APPL2: variants seen among roughly 807,000 people sequenced by gnomAD.
APPL2 encodes the protein DCC-interacting protein 13-beta.
Under a neutral mutation model 92.7 loss-of-function variants are expected in APPL2, and 84 were observed. The observed-to-expected ratio is 0.91, with a 90% confidence interval of 0.76 to 1.09. The LOEUF is 1.09. Ranked by LOEUF, APPL2 falls within the 50% of genes least tolerant of loss-of-function variation. The pLI is 0.00. For missense variants in APPL2, 736 were observed against 824.5 expected (o/e 0.89, Z 1.31); for synonymous variants, 291 against 291.0 (o/e 1.00, Z 0.00).
At chr12:105,220,231 C>G (rs1278145956) in intron 2 of APPL2, among the ~76,000 whole-genome samples, 2 of 152,174 alleles carry the variant, frequency 1.3e-5, no homozygotes, top group African/African-American at 4.8e-5. Flanking sequence ...CTGCTTTACA[C>G]TAGGGTGGGC....
chr12:105,177,080 C>G (rs892602312), intron 18 of APPL2, 64 bp from the exon 19 acceptor site: 13 of 1,609,028 alleles, frequency 8.1e-6, no homozygotes, highest in Non-Finnish European at 1.0e-5. Flanking sequence ...GACAAGGCTA[C>G]TCTCTGGAAA....
At chr12:105,196,070 AAAG>A (rs1487745305) in intron 11 of APPL2, among the ~76,000 whole-genome samples, 1 of 151,536 alleles carries the variant, frequency 6.6e-6, no homozygotes, top group Non-Finnish European at 1.5e-5. Context: ...AAAAAAAAAA[AAAG>A]AAAAAGAAAA....
At chr12:105,213,144 A>G (rs1889363945) in intron 4 of APPL2, among the ~76,000 whole-genome samples, 1 of 152,250 alleles carries the variant, frequency 6.6e-6, no homozygotes, top group Non-Finnish European at 1.5e-5. Context: ...GATGCCATAT[A>G]AGATGGAGAA....
chr12:105,230,739 G>A (rs962572197), intron 1 of APPL2, among the ~76,000 whole-genome samples: 2 of 152,126 alleles, frequency 1.3e-5, no homozygotes, highest in Non-Finnish European at 1.5e-5. Context: ...ACTCTGATGC[G>A]CTTCACAGCA....
chr12:105,233,128 C>T (rs761976465), intron 1 of APPL2: 3 of 985,330 alleles, frequency 3.0e-6, no homozygotes, highest in Admixed American at 6.2e-5. Context: ...GTACAAGCTG[C>T]AGGAGCTCAA....
chr12:105,200,857 T>C (rs1888114843), intron 9 of APPL2, among the ~76,000 whole-genome samples: 1 of 131,202 alleles, frequency 7.6e-6, no homozygotes. Flanking sequence ...TGTATGTATG[T>C]ATGTATGTAT....
chr12:105,181,803 T>G (rs1886139867), intron 17 of APPL2, among the ~76,000 whole-genome samples: 1 of 152,228 alleles, frequency 6.6e-6, no homozygotes, highest in African/African-American at 2.4e-5. Context: ...GGATCAGTGG[T>G]GATAATCCCC....
intron 8 of APPL2, among the ~76,000 whole-genome samples, chr12:105,204,590 A>C (rs1389220312): frequency 2.0e-5 from 3 of 152,240 alleles, no homozygotes; most frequent in African/African-American, 7.2e-5. Flanking sequence ...TCACCACTGG[A>C]AATGCCATTT....
chr12:105,224,697 G>C (rs537625945), intron 2 of APPL2, among the ~76,000 whole-genome samples: 251 of 152,202 alleles, frequency 1.6e-3, no homozygotes, highest in African/African-American at 5.8e-3. Context: ...ATGTGCCTAA[G>C]AAAGGCCACT....
intron 2 of APPL2, among the ~76,000 whole-genome samples, chr12:105,220,725 C>A (rs1170517220): frequency 2.6e-5 from 4 of 152,192 alleles, no homozygotes; most frequent in South Asian, 4.1e-4. Context: ...AATGGAAAGA[C>A]CTGCCAGGGA....
At chr12:105,210,163 T>C (rs1034261077) in intron 5 of APPL2, among the ~76,000 whole-genome samples, 1 of 152,044 alleles carries the variant, frequency 6.6e-6, no homozygotes, top group South Asian at 2.1e-4. Flanking sequence ...GGTTTCGCCG[T>C]GTTAGCCAGG....
At chr12:105,183,440 A>G (rs1886311932) in intron 17 of APPL2, among the ~76,000 whole-genome samples, 1 of 152,150 alleles carries the variant, frequency 6.6e-6, no homozygotes, top group Admixed American at 6.5e-5. Context: ...GAGCTCTTGT[A>G]AAGCAGGTGT....
rs531208497 is a variant in APPL2 at position 105,225,938 on chromosome 12, A to T, written c.153+3187T>A. The stretch of plus-strand genomic sequence containing the variant: ...ATTAAAATATCTTTTATGAACACTT[A>T]TCATTTATCAGCAGCGTAAGCCTGC... On this transcript the variant is annotated intron_variant, in intron 2 of 20. Transcript: ENST00000258530. Among the ~76,000 whole-genome samples, 241 of 152,378 alleles carry T rather than the reference A, an allele frequency of 1.6e-3. 2 individuals carry two copies. The highest frequency in any genetic ancestry group is 5.7e-3 in the African/African-American group (237 of 41,590).
intron 10 of APPL2, 123 bp downstream of exon 10, chr12:105,199,250 G>A (rs1887928275): frequency 2.6e-6 from 3 of 1,173,404 alleles, no homozygotes; most frequent in African/African-American, 3.1e-5. Context: ...GCTGTGATGG[G>A]AGTTCTTCCC....
intron 8 of APPL2, among the ~76,000 whole-genome samples, chr12:105,204,814 T>C (rs1888558288): frequency 6.6e-6 from 1 of 152,090 alleles, no homozygotes; most frequent in Non-Finnish European, 1.5e-5. Flanking sequence ...ACATAATCCC[T>C]AAGAAAAGTG....
chr12:105,215,976 G>A lies in APPL2; in HGVS notation c.285+1093C>T, dbSNP rs188069163. 4.4e-3 allele frequency among the ~76,000 whole-genome samples: 672 copies of A among 152,202 alleles called. 9 individuals are homozygous for A. The highest frequency in any genetic ancestry group is 0.015 in the African/African-American group (626 of 41,518). On this transcript the variant is annotated intron_variant, in intron 4 of 20. Coordinates refer to ENST00000258530, the MANE Select transcript of APPL2 (RefSeq NM_018171.5). ...CGGGAGGTGGAGCTTGCAGTGAGCC[G>A]AGATTGCGCCACTGCACTCCAGCCT...
chr12:105,200,350 G>T (rs1193240512), intron 9 of APPL2, among the ~76,000 whole-genome samples: 2 of 152,218 alleles, frequency 1.3e-5, no homozygotes, highest in Non-Finnish European at 2.9e-5. Flanking sequence ...ACCAGGAAGT[G>T]GTACTAAGGT....
In APPL2 at chr12:105,200,085, C is replaced by T. The variant is rs375114300; in HGVS notation, c.705-554G>A. On this transcript the variant is annotated intron_variant, in intron 9 of 20. Coordinates refer to ENST00000258530, the MANE Select transcript of APPL2 (RefSeq NM_018171.5). ...TCCTGACCTTGTGATCCGCCTGCCTCGGCCTCCCAAAGTGCTGGGATTACA... is the reference window on the plus strand; with the variant it reads ...TCCTGACCTTGTGATCCGCCTGCCTTGGCCTCCCAAAGTGCTGGGATTACA... Among the ~76,000 whole-genome samples, 60 of 152,108 alleles carry T rather than the reference C, an allele frequency of 3.9e-4. 1 individual carries two copies. In the South Asian group the frequency reaches 6.6e-3, roughly 17 times the overall value.
At chr12:105,215,009 T>C (rs898567840) in intron 4 of APPL2, among the ~76,000 whole-genome samples, 1 of 152,236 alleles carries the variant, frequency 6.6e-6, no homozygotes, top group African/African-American at 2.4e-5. Context: ...CCGCCTCCCC[T>C]GTACCTTGCC....
Sources: allele counts gnomAD v4.1 joint callset (sites outside exome capture counted in the v4.1 genomes callset), GRCh38; gene constraint gnomAD v4.1.1; transcripts MANE v1.5; gene names NCBI Gene and HGNC (gene_info 2026-07-23, HGNC 2026-07-21).